POSTN: variants seen among roughly 807,000 people sequenced by gnomAD.
POSTN encodes the protein osteoblast specific factor 2 (fasciclin I-like).
Under a neutral mutation model 104.5 loss-of-function variants are expected in POSTN, and 71 were observed. That is an observed-to-expected ratio of 0.68 (90% CI 0.56 to 0.83). POSTN has a LOEUF of 0.83. Among genes scored for constraint, POSTN ranks in the 40% least tolerant of loss-of-function variants. POSTN has a pLI of 0.00. For synonymous variants in POSTN, 355 were observed against 340.7 expected (o/e 1.04, Z -0.46); for missense variants, 949 against 1,006.8 (o/e 0.94, Z 0.78).
Position 37,579,951 on chromosome 13 carries a change from G to T in POSTN, c.1570C>A (p.Leu524Ile). 6.2e-7 allele frequency: 1 copy of T among 1,613,460 alleles called. No homozygotes were observed. The highest frequency in any genetic ancestry group is 8.5e-7 in the Non-Finnish European group (1 of 1,179,432). Residue 524 changes from leucine to isoleucine, a missense_variant, in exon 12 of 23, where the codon CTC becomes ATC. Leu to Ile is a conservative substitution (Grantham distance 5). Transcript: ENST00000379747. ...SLLEAADLKE[L>I]LTQPGDWTLF... ...GTCCAGTCTCCAGGTTGTGTCAGGAGCTCTTTCAAGTCTGCAGCTTCAAGT... is the reference window on the plus strand; with the variant it reads ...GTCCAGTCTCCAGGTTGTGTCAGGATCTCTTTCAAGTCTGCAGCTTCAAGT...
At position 37,580,670 on chromosome 13, in the gene POSTN, C is replaced by T. The variant is rs1186956285; in HGVS notation, c.1420G>A (p.Glu474Lys). Residue 474 changes from glutamate to lysine, a missense_variant, in exon 11 of 23, where the codon GAG becomes AAG. Glu to Lys is a moderately conservative substitution (Grantham distance 56). Transcript: ENST00000379747. ...TTTCTCCCTTGCTTACTCCCTTTCT[C>T]CATGCATGAATTTTCAATGCAGACA... ...TAVCIENSCM[E>K]KGSKQGRNGA... 6.2e-7 allele frequency: 1 copy of T among 1,613,904 alleles called. No homozygotes were observed. The highest frequency in any genetic ancestry group is 8.5e-7 in the Non-Finnish European group (1 of 1,179,990).
intron 16 of POSTN, among the ~76,000 whole-genome samples, chr13:37,576,059 T>C (rs111415662): frequency 0.014 from 2,064 of 152,204 alleles, 14 homozygotes; most frequent in Non-Finnish European, 0.019. Flanking sequence ...TTCTGCAGAC[T>C]TAAATAGTTT....
At chr13:37,596,606 T>TGGAC (rs1027007999) in intron 2 of POSTN, among the ~76,000 whole-genome samples, 1 of 152,220 alleles carries the variant, frequency 6.6e-6, no homozygotes, top group African/African-American at 2.4e-5. Flanking sequence ...TATCACCTTG[T>TGGAC]GGACCTCTGG....
chr13:37,570,891 A>G (rs1276659542), intron 18 of POSTN: 15 of 457,230 alleles, frequency 3.3e-5, no homozygotes, highest in Non-Finnish European at 5.9e-5. Flanking sequence ...GCCATTTGAC[A>G]TCCTAACTCT....
chr13:37,569,893 A>G, intron 19 of POSTN, 72 bp from the exon 20 acceptor site: 1 of 1,009,554 alleles, frequency 9.9e-7, no homozygotes, highest in South Asian at 1.3e-5. Flanking sequence ...ACAGAGAGTA[A>G]GTATTTTACA....
At position 37,597,236 on chromosome 13, in the gene POSTN, A is replaced by G. The variant is rs1951111511; in HGVS notation, c.166T>C (p.Tyr56His). The G allele has an allele frequency of 1.9e-6, 3 of 1,587,478 alleles. No individual in the cohort carries two copies. In the South Asian group the frequency reaches 3.5e-5, roughly 19 times the overall value. ...LQQILGTKKK[Y>H]FSTCKNWYKK... ...TACCAGTTCTTACAAGTGCTGAAGT[A>G]TTTCTTTTTGGTGCCCAAAATCTGT... is the stretch of plus-strand genomic sequence containing the variant. Residue 56 changes from tyrosine to histidine, a missense_variant, in exon 2 of 23, where the codon TAC (tyrosine) becomes CAC (histidine). Coordinates refer to ENST00000379747, the MANE Select transcript of POSTN (RefSeq NM_006475.3).
Position 37,598,657 on chromosome 13 carries a change from G to T in POSTN, c.70C>A (p.His24Asn), listed in dbSNP as rs996691431. ...CTATGAGCCAAGATCTTGTCATAAT[G>T]ATTGTTGGCGTTTATAGGGTTAACA... ...LIVNPINANN[H>N]YDKILAHSRI... Residue 24 changes from histidine to asparagine, a missense_variant, in exon 1 of 23, where the codon CAT becomes AAT. Coordinates refer to ENST00000379747, the MANE Select transcript of POSTN (RefSeq NM_006475.3). The T allele has an allele frequency of 6.2e-7, 1 of 1,613,442 alleles. No individual in the cohort carries two copies. The highest frequency in any genetic ancestry group is 8.5e-7 in the Non-Finnish European group (1 of 1,179,576).
intron 11 of POSTN, 42 bp from the exon 12 acceptor site, chr13:37,580,033 T>A (rs1476037547): frequency 6.3e-7 from 1 of 1,580,804 alleles, no homozygotes; most frequent in East Asian, 2.2e-5. Context: ...AGATTTAGAT[T>A]TAGGTATGTT....
Position 37,597,164 on chromosome 13 carries a change from GA to G in POSTN, c.218+19del, listed in dbSNP as rs746637237. 1.8e-3 allele frequency: 2,238 copies of G among 1,268,260 alleles called. 1 individual carries two copies. Among genetic ancestry groups the G allele is most frequent in the South Asian group, 3.1e-3 (203 of 65,154 alleles). 78.6% of individuals were successfully genotyped at this position (1,268,260 alleles called of 1,614,324 possible). A position where few individuals can be genotyped will look rare whatever the true frequency, so the allele number is the denominator to read the frequency against. The stretch of plus-strand genomic sequence containing the variant: ...GTTGTTTTTGGAACTGACATATTAT[GA>G]AAAAAAAAAGAGACTTACGTTTTCT... On this transcript the variant is annotated intron_variant, in intron 2 of 22. Transcript: ENST00000379747.
chr13:37,565,877 G>C (rs1950086464), intron 21 of POSTN, among the ~76,000 whole-genome samples: 1 of 152,154 alleles, frequency 6.6e-6, no homozygotes, highest in African/African-American at 2.4e-5. Flanking sequence ...AAATTGTCAA[G>C]AAGAGACAGA....
At chr13:37,564,791 C>T in intron 21 of POSTN, 2 of 347,574 alleles carry the variant, frequency 5.8e-6, no homozygotes, top group Non-Finnish European at 1.0e-5. Flanking sequence ...AGTTGCAAAA[C>T]ACATTGTTTC....
intron 18 of POSTN, chr13:37,571,160 A>G (rs548884010): frequency 2.2e-6 from 1 of 456,856 alleles, no homozygotes; most frequent in African/African-American, 2.0e-5. Context: ...GACTTAATAG[A>G]TAAATTAATT....
At chr13:37,590,599 CT>C (rs1950901932) in intron 3 of POSTN, 70 bp from the exon 4 acceptor site, 1 of 1,295,866 alleles carries the variant, frequency 7.7e-7, no homozygotes, top group Non-Finnish European at 1.0e-6. Flanking sequence ...ATCATTTAAA[CT>C]TTATGCTGTG....
At chr13:37,592,051 C>T in intron 3 of POSTN, 49 bp downstream of exon 3, 1 of 1,378,336 alleles carries the variant, frequency 7.3e-7, no homozygotes, top group Non-Finnish European at 1.0e-6. Flanking sequence ...CACCTCAACC[C>T]TTTCTTTGCA....
intron 15 of POSTN, among the ~76,000 whole-genome samples, 200 bp from the exon 16 acceptor site, chr13:37,577,998 G>C (rs1156350916): frequency 3.0e-5 from 3 of 98,464 alleles, no homozygotes; most frequent in Non-Finnish European, 8.4e-5. Context: ...TCATTACTCA[G>C]AGATTTAAAA....
At chr13:37,566,103 G>A (rs1458001333) in intron 21 of POSTN, among the ~76,000 whole-genome samples, 1 of 152,122 alleles carries the variant, frequency 6.6e-6, no homozygotes, top group Non-Finnish European at 1.5e-5. Flanking sequence ...AACATTCAAT[G>A]TGTCAAACAA....
At chr13:37,593,593 A>T (rs1006393906) in intron 2 of POSTN, among the ~76,000 whole-genome samples, 1 of 151,540 alleles carries the variant, frequency 6.6e-6, no homozygotes, top group African/African-American at 2.4e-5. Flanking sequence ...CACTAATTAA[A>T]CATGAATCAG....
At chr13:37,587,338 A>C (rs1390087089) in intron 5 of POSTN, among the ~76,000 whole-genome samples, 1 of 152,204 alleles carries the variant, frequency 6.6e-6, no homozygotes, top group Non-Finnish European at 1.5e-5. Context: ...AATTAGTTAC[A>C]TTACAAGAAC....
At chr13:37,564,185 T>TACAAAAC (rs1459091575) in intron 22 of POSTN, among the ~76,000 whole-genome samples, 928 of 49,218 alleles carry the variant, frequency 0.019, 3 homozygotes, top group East Asian at 0.023. Context: ...ACATTACATA[T>TACAAAAC]ATATATATAT....
Sources: allele counts gnomAD v4.1 joint callset (sites outside exome capture counted in the v4.1 genomes callset), GRCh38; gene constraint gnomAD v4.1.1; transcripts MANE v1.5; gene names NCBI Gene and HGNC (gene_info 2026-07-23, HGNC 2026-07-21).